Variants in RANBP10 observed in about 807,000 individuals in gnomAD.
The protein encoded by RANBP10 is RAN binding protein 10.
Under a neutral mutation model 72.8 loss-of-function variants are expected in RANBP10, and 24 were observed. That is an observed-to-expected ratio of 0.33 (90% CI 0.24 to 0.46). RANBP10 has a LOEUF of 0.46. Among genes scored for constraint, RANBP10 ranks in the 20% least tolerant of loss-of-function variants. The probability of loss-of-function intolerance (pLI) is 1.00; values close to 1 mark genes in which losing one functional copy is unlikely to be tolerated. For missense variants in RANBP10, 679 were observed against 817.5 expected (o/e 0.83, Z 2.07); for synonymous variants, 310 against 322.3 (o/e 0.96, Z 0.41).
At chr16:67,750,499 C>T (rs917438719) in intron 3 of RANBP10, among the ~76,000 whole-genome samples, 4 of 152,184 alleles carry the variant, frequency 2.6e-5, no homozygotes, top group African/African-American at 9.7e-5. Flanking sequence ...CATGCCCCCT[C>T]CCCCAAGATC....
intron 3 of RANBP10, among the ~76,000 whole-genome samples, chr16:67,770,981 G>A (rs184713106): frequency 4.1e-4 from 62 of 151,772 alleles, no homozygotes; most frequent in African/African-American, 1.5e-3. Flanking sequence ...ATAAAAATAA[G>A]GCTGGGTGCA....
At chr16:67,759,409 C>T (rs535789791) in intron 3 of RANBP10, among the ~76,000 whole-genome samples, 1 of 152,272 alleles carries the variant, frequency 6.6e-6, no homozygotes, top group East Asian at 1.9e-4. Flanking sequence ...CTGGAGGCAC[C>T]CTATAGGCTT....
intron 3 of RANBP10, among the ~76,000 whole-genome samples, chr16:67,761,384 A>T (rs1345787199): frequency 6.6e-6 from 1 of 152,132 alleles, no homozygotes; most frequent in Non-Finnish European, 1.5e-5. Flanking sequence ...AGCCAGTGCA[A>T]CCTACAAGAA....
chr16:67,804,576 AT>A lies in RANBP10; in HGVS notation c.347+851del, dbSNP rs1032662023. Among the ~76,000 whole-genome samples the A allele has an allele frequency of 1.1e-4, 17 of 151,212 alleles. No individual in the cohort carries two copies. The South Asian group carries it at 2.5e-3, about 22-fold the overall frequency. On this transcript the variant is annotated intron_variant, in intron 2 of 13. Transcript: ENST00000317506. ...ACCACCACACCCAGCTAATTTTTGA[AT>A]TTTTTTTTAGAGATGGGGTTTTACC... is the stretch of plus-strand genomic sequence containing the variant.
rs1383583948 is a variant in RANBP10 at position 67,724,429 on chromosome 16, T to C, written c.*1999A>G. On this transcript the variant is annotated 3_prime_UTR_variant, in exon 14 of 14. Coordinates refer to ENST00000317506, the MANE Select transcript of RANBP10 (RefSeq NM_020850.3). ...GAACCCCATTCCAGCTGCAAAAGCC[T>C]GTGGTTTTAATCCAATCCTGCTAGG... is the stretch of plus-strand genomic sequence containing the variant. 1.3e-5 allele frequency: 2 copies of C among 152,250 alleles called. No homozygotes were observed. The highest frequency in any genetic ancestry group is 2.9e-5 in the Non-Finnish European group (2 of 68,048). 9.4% of individuals were successfully genotyped at this position (152,250 alleles called of 1,614,324 possible). A position where few individuals can be genotyped will look rare whatever the true frequency, so the allele number is the denominator to read the frequency against.
intron 3 of RANBP10, among the ~76,000 whole-genome samples, chr16:67,755,173 T>A (rs1172296313): frequency 6.6e-6 from 1 of 152,100 alleles, no homozygotes; most frequent in South Asian, 2.1e-4. Flanking sequence ...TATGCCTGGG[T>A]GAGCAGCCCC....
intron 2 of RANBP10, among the ~76,000 whole-genome samples, chr16:67,795,776 A>C (rs933295694): frequency 6.6e-6 from 1 of 151,098 alleles, no homozygotes; most frequent in Non-Finnish European, 1.5e-5. Context: ...AGTGGCGTGA[A>C]CCCGGAAAGT....
chr16:67,727,507 A>G, intron 12 of RANBP10, 69 bp from the exon 13 acceptor site: 1 of 1,450,424 alleles, frequency 6.9e-7, no homozygotes, highest in Non-Finnish European at 9.5e-7. Flanking sequence ...CCGTGGCTCC[A>G]GAGGGAGACA....
intron 2 of RANBP10, among the ~76,000 whole-genome samples, chr16:67,776,298 T>A (rs1329933520): frequency 1.3e-5 from 2 of 148,886 alleles, no homozygotes; most frequent in African/African-American, 5.0e-5. Context: ...CAATCTCTAA[T>A]AAAATACAAA....
intron 6 of RANBP10, among the ~76,000 whole-genome samples, 164 bp downstream of exon 6, chr16:67,734,694 G>C (rs115501606): frequency 6.6e-6 from 1 of 151,898 alleles, no homozygotes; most frequent in Non-Finnish European, 1.5e-5. Context: ...TCCATCCGAC[G>C]ACAGAGAAGC....
Position 67,786,929 on chromosome 16 carries a change from AAAC to A in RANBP10, c.348-14846_348-14844del, listed in dbSNP as rs1316160517. The stretch of plus-strand genomic sequence containing the variant: ...GGGATAGAGCTAGACTCCATCTCAA[AAAC>A]AACAACGAAAAAATAGAATAAATAG... On this transcript the variant is annotated intron_variant, in intron 2 of 13. Transcript: ENST00000317506. 6.7e-5 allele frequency among the ~76,000 whole-genome samples: 10 copies of A among 150,264 alleles called. 1 individual carries two copies. The South Asian group carries it at 1.9e-3, about 29-fold the overall frequency.
Position 67,729,711 on chromosome 16 carries a change from A to G in RANBP10, c.1116T>C (p.His372=). 6.2e-7 allele frequency: 1 copy of G among 1,613,802 alleles called. No individual in the cohort carries two copies. The highest frequency in any genetic ancestry group is 8.5e-7 in the Non-Finnish European group (1 of 1,179,848). The change falls in exon 9 of 14, where the codon CAT becomes CAC. Residue 372 remains histidine (H), a synonymous_variant. Coordinates refer to ENST00000317506, the MANE Select transcript of RANBP10 (RefSeq NM_020850.3). The surrounding 1 kb of genome is among the most constrained non-coding windows in gnomAD (Gnocchi z 7.1). ...YPGSPSLSPR[H]GPSSSHMHNT... is the part of the protein sequence containing the mutation. ...TGTGCATGTGGGAACTACTGGGGCC[A>G]TGTCGGGGACTGAGGCTGGGGGAGC... is the stretch of plus-strand genomic sequence containing the variant.
chr16:67,782,616 C>A (rs939886935), intron 2 of RANBP10, among the ~76,000 whole-genome samples: 1 of 151,718 alleles, frequency 6.6e-6, no homozygotes, highest in African/African-American at 2.4e-5. Context: ...CCACACCCAG[C>A]TAATTTTTGT....
At chr16:67,757,477 G>A (rs534380763) in intron 3 of RANBP10, among the ~76,000 whole-genome samples, 7 of 152,272 alleles carry the variant, frequency 4.6e-5, no homozygotes, top group East Asian at 3.9e-4. Flanking sequence ...TGAGTGCTGC[G>A]CTGGCTTGGC....
At chr16:67,733,623 C>G (rs2053778757) in intron 6 of RANBP10, among the ~76,000 whole-genome samples, 1 of 152,126 alleles carries the variant, frequency 6.6e-6, no homozygotes, top group South Asian at 2.1e-4. Flanking sequence ...CAGGTCTTGG[C>G]AAATGCTACA....
chr16:67,747,440 C>A (rs963661893), intron 3 of RANBP10, among the ~76,000 whole-genome samples: 1 of 151,708 alleles, frequency 6.6e-6, no homozygotes, highest in African/African-American at 2.4e-5. Context: ...AGTTTAGATA[C>A]AAGTCCTTTT....
At chr16:67,740,567 C>A (rs1036341651) in intron 4 of RANBP10, among the ~76,000 whole-genome samples, 1 of 152,066 alleles carries the variant, frequency 6.6e-6, no homozygotes, top group Non-Finnish European at 1.5e-5. Context: ...GGTCTGACAA[C>A]AGGTCTCCCA....
chr16:67,775,175 G>A (rs2054678560), intron 2 of RANBP10, among the ~76,000 whole-genome samples: 2 of 152,192 alleles, frequency 1.3e-5, no homozygotes, highest in South Asian at 4.2e-4. Context: ...AGCAGGGTGT[G>A]GTGGCACACG....
At chr16:67,751,034 G>A (rs2054185910) in intron 3 of RANBP10, among the ~76,000 whole-genome samples, 1 of 152,124 alleles carries the variant, frequency 6.6e-6, no homozygotes, top group African/African-American at 2.4e-5. Context: ...CCAAAGTGCT[G>A]GGATTACAGG....
Sources: gnomAD v4.1 joint callset for allele counts (sites outside exome capture counted in the v4.1 genomes callset) on GRCh38, gnomAD v4.1.1 for gene constraint, Gnocchi (gnomAD v3.1) non-coding constraint, MANE v1.5 for transcripts, NCBI Gene and HGNC (gene_info 2026-07-23, HGNC 2026-07-21) for gene names.